The following NALCN variants were observed in gnomAD, a reference collection of about 807,000 sequenced individuals.
NALCN encodes sodium leak channel NALCN.
Under a neutral mutation model 225.3 loss-of-function variants are expected in NALCN, and 111 were observed. That is an observed-to-expected ratio of 0.49 (90% CI 0.42 to 0.58). The LOEUF is 0.58. Among genes scored for constraint, NALCN ranks in the 20% least tolerant of loss-of-function variants. The pLI, the probability that NALCN is intolerant of heterozygous loss-of-function variation, is 0.00. For synonymous variants in NALCN, 764 were observed against 769.0 expected (o/e 0.99, Z 0.11); for missense variants, 1,378 against 2,202.4 (o/e 0.63, Z 7.49).
chr13:101,237,698 G>C, intron 12 of NALCN, 57 bp downstream of exon 12: 6 of 1,139,934 alleles, frequency 5.3e-6, no homozygotes, highest in Non-Finnish European at 7.3e-6. Context: ...AATGTGACAG[G>C]TATTTACTCT....
At chr13:101,233,617 G>A (rs930600199) in intron 12 of NALCN, among the ~76,000 whole-genome samples, 1 of 152,124 alleles carries the variant, frequency 6.6e-6, no homozygotes, top group African/African-American at 2.4e-5. Context: ...TGGGATTACA[G>A]GTGTGAGCCA....
intron 7 of NALCN, among the ~76,000 whole-genome samples, chr13:101,337,016 A>G (rs371373843): frequency 9.2e-5 from 14 of 152,214 alleles, no homozygotes; most frequent in East Asian, 7.7e-4. Flanking sequence ...TTTTACATCA[A>G]AAGTAGTATT....
intron 12 of NALCN, among the ~76,000 whole-genome samples, chr13:101,232,292 A>C (rs574341606): frequency 3.3e-4 from 50 of 152,262 alleles, no homozygotes; most frequent in African/African-American, 1.1e-3. Flanking sequence ...TATGGTTTAC[A>C]GCATGTAAGT....
chr13:101,402,555 A>G (rs1032727872), intron 1 of NALCN, among the ~76,000 whole-genome samples: 3 of 152,160 alleles, frequency 2.0e-5, no homozygotes, highest in African/African-American at 7.2e-5. Context: ...TTTCCCTTGC[A>G]GCTCTCTTGG....
At chr13:101,134,917 G>A (rs762976020) in intron 17 of NALCN, among the ~76,000 whole-genome samples, 23 of 152,180 alleles carry the variant, frequency 1.5e-4, no homozygotes, top group Non-Finnish European at 5.9e-5. Flanking sequence ...ATAAATGCCC[G>A]GGTGCGGAGA....
intron 7 of NALCN, among the ~76,000 whole-genome samples, chr13:101,300,762 C>A (rs2089436352): frequency 1.3e-5 from 2 of 152,174 alleles, no homozygotes; most frequent in Non-Finnish European, 1.5e-5. Flanking sequence ...CATATCAAGG[C>A]AATAAAACAA....
At chr13:101,078,969 A>C (rs902512230) in intron 34 of NALCN, among the ~76,000 whole-genome samples, 8 of 152,168 alleles carry the variant, frequency 5.3e-5, no homozygotes, top group African/African-American at 1.9e-4. Flanking sequence ...AGTTCTCACA[A>C]GATCTGATGG....
rs537286297 is a variant in NALCN at position 101,112,564 on chromosome 13, T to C, written c.2193-1338A>G. ...ACACTGTTATGAAGTAGTTGAGTGA[T>C]CTTTGGGCCTAACTTCCTCATTGGT... On this transcript the variant is annotated intron_variant, in intron 18 of 43. Coordinates refer to ENST00000251127, the MANE Select transcript of NALCN (RefSeq NM_052867.4). 2.0e-5 allele frequency among the ~76,000 whole-genome samples: 3 copies of C among 152,344 alleles called. No homozygotes were observed. The East Asian group carries it at 5.8e-4, about 29-fold the overall frequency.
intron 15 of NALCN, among the ~76,000 whole-genome samples, chr13:101,149,190 G>T (rs1268535666): frequency 6.6e-6 from 1 of 152,050 alleles, no homozygotes; most frequent in Admixed American, 6.5e-5. Context: ...CTACTAGGGA[G>T]GCTGAGGCAG....
At chr13:101,115,863 G>A (rs1209446387) in intron 18 of NALCN, among the ~76,000 whole-genome samples, 1 of 152,134 alleles carries the variant, frequency 6.6e-6, no homozygotes, top group Non-Finnish European at 1.5e-5. Flanking sequence ...TAGAAGGCCA[G>A]TTTCTTAGGA....
At chr13:101,290,125 G>A (rs1326074583) in intron 9 of NALCN, among the ~76,000 whole-genome samples, 1 of 152,148 alleles carries the variant, frequency 6.6e-6, no homozygotes, top group African/African-American at 2.4e-5. Context: ...TATTCCTCTT[G>A]ATTAAGTACA....
rs776128344 is a variant in NALCN, at chr13:101,081,566, C to A, written c.3846G>T (p.Ser1282=). The change falls in exon 34 of 44, where the codon TCG becomes TCT. Residue 1282 remains serine (S), a synonymous_variant. Coordinates refer to ENST00000251127, the MANE Select transcript of NALCN (RefSeq NM_052867.4). ...GAAGCACCACCCATACAACGCCAAG[C>A]GACGTCACCAGGAGATCGTATCGGT... ...RRNRYDLLVT[S]LGVVWVVLHF... is the part of the protein sequence containing the mutation. 3.7e-6 allele frequency: 6 copies of A among 1,613,992 alleles called. No individual in the cohort carries two copies. In the African/African-American group the frequency reaches 5.3e-5, roughly 14 times the overall value.
chr13:101,346,109 ATATGATGTTATTT>A (rs1172291055), intron 6 of NALCN, among the ~76,000 whole-genome samples: 1 of 140,416 alleles, frequency 7.1e-6, no homozygotes, highest in Non-Finnish European at 1.6e-5. Flanking sequence ...ATATATATAT[ATATGATGTTATTT>A]GCAAAATTGT....
intron 18 of NALCN, among the ~76,000 whole-genome samples, chr13:101,115,780 G>C (rs1342009389): frequency 1.3e-5 from 2 of 152,282 alleles, no homozygotes; most frequent in South Asian, 2.1e-4. Context: ...ACTTTTCTTA[G>C]AGGAAAGACT....
rs118076598 is a variant in NALCN at position 101,281,891 on chromosome 13, T to C, written c.1134+2042A>G. Among the ~76,000 whole-genome samples, 301 of 152,124 alleles carry C rather than the reference T, an allele frequency of 2.0e-3. 7 individuals are homozygous for C. In the East Asian group the frequency reaches 0.043, roughly 22 times the overall value. ...CCAAAGAAGACATATGAATGGCCAATAGGTATATGAAAAAGTGCATACGAT... is the reference window on the plus strand; with the variant it reads ...CCAAAGAAGACATATGAATGGCCAACAGGTATATGAAAAAGTGCATACGAT... On this transcript the variant is annotated intron_variant, in intron 10 of 43. Transcript: ENST00000251127.
intron 32 of NALCN, 44 bp downstream of exon 32, chr13:101,083,048 G>A (rs2033743382): frequency 1.9e-6 from 3 of 1,585,906 alleles, no homozygotes; most frequent in Non-Finnish European, 2.6e-6. Flanking sequence ...ATGTAGCAGT[G>A]AATACAAAAT....
intron 30 of NALCN, among the ~76,000 whole-genome samples, chr13:101,087,949 C>G (rs1258739096): frequency 6.6e-6 from 1 of 152,130 alleles, no homozygotes; most frequent in Non-Finnish European, 1.5e-5. Context: ...TTAGCTTCTG[C>G]TTATATTCTA....
chr13:101,092,241 GC>G (rs2034271476), intron 28 of NALCN, among the ~76,000 whole-genome samples: 1 of 151,984 alleles, frequency 6.6e-6, no homozygotes, highest in Non-Finnish European at 1.5e-5. Flanking sequence ...GTGCTCCAAG[GC>G]CCCCCAAGAT....
Position 101,229,568 on chromosome 13 carries a change from C to T in NALCN, c.1451G>A (p.Arg484Gln), listed in dbSNP as rs373709036. ...TAATGCAGGTGAAATCTTAATCAGC[C>T]GAACTACTCGGAGAACCTATCAAGG... ...FTYFQVLRVV[R>Q]LIKISPALED... The change falls in exon 13 of 44, where the codon CGG becomes CAG. Residue 484 changes from arginine to glutamine, a missense_variant. Transcript: ENST00000251127. 3 of 1,592,682 alleles carry T rather than the reference C, an allele frequency of 1.9e-6. No individual in the cohort carries two copies. The highest frequency in any genetic ancestry group is 2.6e-6 in the Non-Finnish European group (3 of 1,170,554).
Sources: allele counts gnomAD v4.1 joint callset (sites outside exome capture counted in the v4.1 genomes callset), GRCh38; gene constraint gnomAD v4.1.1; transcripts MANE v1.5; gene names NCBI Gene and HGNC (gene_info 2026-07-23, HGNC 2026-07-21).